The following PLCL2 variants were observed in gnomAD, a reference collection of about 807,000 sequenced individuals.
PLCL2 encodes phospholipase C like 2.
A neutral mutation model predicts 79.6 loss-of-function variants in PLCL2; 4 were observed. That is an observed-to-expected ratio of 0.05 (90% CI 0.02 to 0.11). The LOEUF is 0.11. Among genes scored for constraint, PLCL2 ranks in the 10% least tolerant of loss-of-function variants. PLCL2 has a pLI of 1.00. For missense variants in PLCL2, 895 were observed against 1,291.0 expected, an observed-to-expected ratio of 0.69 and a Z score of 4.70; for synonymous variants, 484 against 457.7, an observed-to-expected ratio of 1.06 and a Z score of -0.73.
At chr3:17,089,490 C>T (rs1214546161) in intron 5 of PLCL2, among the ~76,000 whole-genome samples, 1 of 152,020 alleles carries the variant, frequency 6.6e-6, no homozygotes, top group African/African-American at 2.4e-5. Context: ...CACAGAACCC[C>T]ATGCAGATCT....
In PLCL2 at chr3:17,082,611, G is replaced by A. The variant is rs73029118; in HGVS notation, c.3205-7122G>A. Among the ~76,000 whole-genome samples the A allele has an allele frequency of 8.3e-3, 1,260 of 152,208 alleles. 14 individuals carry two copies. The highest frequency in any genetic ancestry group is 0.013 in the Non-Finnish European group (903 of 68,012). ...TTGGTAATGTCCAAAGGCCTATTCT[G>A]TTTAAGATACCATGATTACTTCTCT... On this transcript the variant is annotated intron_variant, in intron 5 of 5. Coordinates refer to ENST00000615277, the MANE Select transcript of PLCL2 (RefSeq NM_001144382.2).
chr3:17,007,861 A>C (rs1377814123), intron 1 of PLCL2, among the ~76,000 whole-genome samples: 1 of 152,230 alleles, frequency 6.6e-6, no homozygotes, highest in Non-Finnish European at 1.5e-5. Context: ...CTTATTTATA[A>C]ATACAATGAA....
intron 5 of PLCL2, among the ~76,000 whole-genome samples, 180 bp downstream of exon 5, chr3:17,068,245 G>A (rs2065029163): frequency 1.3e-5 from 2 of 152,192 alleles, no homozygotes; most frequent in Non-Finnish European, 2.9e-5. Flanking sequence ...GTTTGACATT[G>A]TAGATCAGTT....
chr3:17,077,195 A>G lies in PLCL2; in HGVS notation c.3204+9130A>G, dbSNP rs144947577. On this transcript the variant is annotated intron_variant, in intron 5 of 5. Coordinates refer to ENST00000615277, the MANE Select transcript of PLCL2 (RefSeq NM_001144382.2). ...TGTTTGTATTTCTTCTCTCAGGATC[A>G]CTGTGTTGTACTATCTGAAAATCAT... Among the ~76,000 whole-genome samples the G allele has an allele frequency of 6.3e-4, 96 of 152,258 alleles. 2 individuals carry two copies. The highest frequency in any genetic ancestry group is 2.2e-3 in the African/African-American group (92 of 41,538).
At chr3:16,941,721 C>T (rs140415127) in intron 1 of PLCL2, among the ~76,000 whole-genome samples, 4 of 152,284 alleles carry the variant, frequency 2.6e-5, no homozygotes, top group African/African-American at 9.6e-5. Context: ...TTCCATAGCA[C>T]CGCAACTATC....
intron 1 of PLCL2, among the ~76,000 whole-genome samples, chr3:16,930,121 C>T (rs781106198): frequency 1.3e-5 from 2 of 152,250 alleles, no homozygotes; most frequent in Non-Finnish European, 2.9e-5. Flanking sequence ...CAGTGCTCTT[C>T]TGCAGTAAAG....
intron 1 of PLCL2, among the ~76,000 whole-genome samples, chr3:16,941,674 C>T (rs567070671): frequency 1.3e-5 from 2 of 152,320 alleles, no homozygotes; most frequent in Admixed American, 1.3e-4. Flanking sequence ...ACTTCATCTT[C>T]ATAATCTTGG....
chr3:16,904,424 TA>T (rs1696705105), intron 1 of PLCL2, among the ~76,000 whole-genome samples: 1 of 152,064 alleles, frequency 6.6e-6, no homozygotes. Flanking sequence ...GCTTGTGTTT[TA>T]AAAAAGGGAA....
chr3:16,899,649 G>C (rs979536482), intron 1 of PLCL2, among the ~76,000 whole-genome samples: 1 of 151,930 alleles, frequency 6.6e-6, no homozygotes, highest in Non-Finnish European at 1.5e-5. Context: ...ATGTCTTTTC[G>C]GGACCAGGGC....
Position 17,072,469 on chromosome 3 carries a change from G to A in PLCL2, c.3204+4404G>A, listed in dbSNP as rs550917945. Among the ~76,000 whole-genome samples the A allele has an allele frequency of 1.1e-3, 169 of 152,154 alleles. No individual in the cohort carries two copies. The Middle Eastern group carries it at 0.02, about 18-fold the overall frequency. On this transcript the variant is annotated intron_variant, in intron 5 of 5. Coordinates refer to ENST00000615277, the MANE Select transcript of PLCL2 (RefSeq NM_001144382.2). The stretch of plus-strand genomic sequence containing the variant: ...GGATCACCTGAGGTCAGGAGTTCAA[G>A]ACCAGCCTGGCCAACATGACGAAAC...
intron 4 of PLCL2, among the ~76,000 whole-genome samples, chr3:17,043,292 G>A (rs1015071476): frequency 5.9e-5 from 9 of 152,144 alleles, no homozygotes; most frequent in Non-Finnish European, 1.0e-4. Context: ...CTGGTCACCC[G>A]TGACTCTGGT....
At chr3:16,936,687 A>G (rs1238645566) in intron 1 of PLCL2, among the ~76,000 whole-genome samples, 1 of 152,208 alleles carries the variant, frequency 6.6e-6, no homozygotes, top group Non-Finnish European at 1.5e-5. Context: ...TTAAGGCTGT[A>G]GATATTAACT....
At chr3:16,890,320 T>C (rs1281245289) in intron 1 of PLCL2, among the ~76,000 whole-genome samples, 1 of 152,242 alleles carries the variant, frequency 6.6e-6, no homozygotes, top group African/African-American at 2.4e-5. Flanking sequence ...ATTTTATTAA[T>C]TGCTGATATT....
At chr3:16,991,955 A>T (rs2124996292) in intron 1 of PLCL2, among the ~76,000 whole-genome samples, 1 of 152,274 alleles carries the variant, frequency 6.6e-6, no homozygotes, top group South Asian at 2.1e-4. Context: ...TTAAAAGATA[A>T]TCTAATTTTT....
intron 1 of PLCL2, among the ~76,000 whole-genome samples, chr3:16,888,340 A>G (rs1275275563): frequency 2.0e-5 from 3 of 152,268 alleles, no homozygotes; most frequent in Admixed American, 6.5e-5. Context: ...ACAGATCTAT[A>G]CTAAAAGAAC....
At chr3:17,086,511 G>T (rs565374928) in intron 5 of PLCL2, among the ~76,000 whole-genome samples, 1 of 152,190 alleles carries the variant, frequency 6.6e-6, no homozygotes, top group Non-Finnish European at 1.5e-5. Context: ...AAATCTAGGC[G>T]ACCTTGGATA....
intron 1 of PLCL2, among the ~76,000 whole-genome samples, chr3:16,916,875 C>T (rs11928330): frequency 0.33 from 50,872 of 151,918 alleles, 8,771 homozygotes; most frequent in East Asian, 0.53. Flanking sequence ...CTTTTGTGAT[C>T]GTACATTATC....
At position 16,954,520 on chromosome 3, in the gene PLCL2, A is replaced by G. The variant is rs554491983; in HGVS notation, c.328-55154A>G. 5.3e-5 allele frequency among the ~76,000 whole-genome samples: 8 copies of G among 152,238 alleles called. No individual in the cohort carries two copies. In the South Asian group the frequency reaches 1.7e-3, roughly 32 times the overall value. ...ATGTGTCTTTATAGCAGCATGATTT[A>G]TAATCCTTTGGGTATATACCCAGTA... On this transcript the variant is annotated intron_variant, in intron 1 of 5. Transcript: ENST00000615277.
chr3:16,947,143 A>T (rs984837081), intron 1 of PLCL2, among the ~76,000 whole-genome samples: 84 of 149,426 alleles, frequency 5.6e-4, no homozygotes, highest in African/African-American at 1.7e-3. Flanking sequence ...TTTTTTTTAG[A>T]GACAGGGTCT....
Sources: gnomAD v4.1 joint callset for allele counts (sites outside exome capture counted in the v4.1 genomes callset) on GRCh38, gnomAD v4.1.1 for gene constraint, MANE v1.5 for transcripts, NCBI Gene and HGNC (gene_info 2026-07-23, HGNC 2026-07-21) for gene names.